CDH12: variants seen among roughly 807,000 people sequenced by gnomAD.
CDH12 encodes the protein cadherin-12.
Under a neutral mutation model 74.1 loss-of-function variants are expected in CDH12, and 41 were observed. The observed-to-expected ratio is 0.55, with a 90% CI of 0.43 to 0.72. CDH12 has a LOEUF of 0.72. Among genes scored for constraint, CDH12 ranks in the 30% least tolerant of loss-of-function variants. CDH12 has a pLI of 0.00. For synonymous variants in CDH12, 399 were observed against 355.0 expected, an observed-to-expected ratio of 1.12 and a Z score of -1.39; for missense variants, 945 against 977.2, an observed-to-expected ratio of 0.97 and a Z score of 0.44.
At chr5:21,795,685 G>A (rs551067149) in intron 10 of CDH12, among the ~76,000 whole-genome samples, 3 of 151,930 alleles carry the variant, frequency 2.0e-5, no homozygotes, top group East Asian at 1.9e-4. Flanking sequence ...GAGAGCATGG[G>A]CATTTTTTCA....
intron 10 of CDH12, among the ~76,000 whole-genome samples, chr5:21,787,043 A>G (rs1335590605): frequency 6.6e-6 from 1 of 152,184 alleles, no homozygotes; most frequent in Non-Finnish European, 1.5e-5. Flanking sequence ...TAGTTTCTTG[A>G]GATGAAATCT....
chr5:22,596,783 C>T (rs74614501), intron 1 of CDH12, among the ~76,000 whole-genome samples: 22 of 152,284 alleles, frequency 1.4e-4, no homozygotes, highest in Non-Finnish European at 2.5e-4. Flanking sequence ...TCATCTATCA[C>T]GAGCATCTCT....
At chr5:22,602,109 A>G (rs1009756678) in intron 1 of CDH12, among the ~76,000 whole-genome samples, 2 of 152,154 alleles carry the variant, frequency 1.3e-5, no homozygotes, top group African/African-American at 4.8e-5. Context: ...TTCATAATTT[A>G]CTGATGCATA....
chr5:21,765,141 GGTCA>G (rs770421625), intron 11 of CDH12, 42 bp from the exon 12 acceptor site: 3 of 1,451,592 alleles, frequency 2.1e-6, no homozygotes, highest in Admixed American at 4.9e-5. Flanking sequence ...TACAAAATCC[GGTCA>G]GTTATTGCTT....
At chr5:21,908,925 A>T (rs1224296204) in intron 6 of CDH12, among the ~76,000 whole-genome samples, 1 of 152,188 alleles carries the variant, frequency 6.6e-6, no homozygotes, top group African/African-American at 2.4e-5. Context: ...TGTAAAAAAA[A>T]AATTATTTAT....
intron 8 of CDH12, among the ~76,000 whole-genome samples, chr5:21,834,542 A>T (rs919502429): frequency 6.6e-6 from 1 of 151,926 alleles, no homozygotes; most frequent in Non-Finnish European, 1.5e-5. Flanking sequence ...AACTGTTGGA[A>T]ATTACTTAAA....
At chr5:22,447,985 TAAAAAAA>T (rs10660558) in intron 2 of CDH12, among the ~76,000 whole-genome samples, 1 of 84,470 alleles carries the variant, frequency 1.2e-5, no homozygotes, top group Admixed American at 1.9e-4. Flanking sequence ...TACAAGAAAT[TAAAAAAA>T]AAAAAAAAAA....
intron 2 of CDH12, among the ~76,000 whole-genome samples, chr5:22,462,566 T>C (rs1208646288): frequency 6.6e-6 from 1 of 152,116 alleles, no homozygotes; most frequent in Non-Finnish European, 1.5e-5. Context: ...GGAAAAATAG[T>C]CACTGAAGAA....
chr5:22,713,343 A>T (rs931258240), intron 1 of CDH12, among the ~76,000 whole-genome samples: 1 of 151,542 alleles, frequency 6.6e-6, no homozygotes, highest in Admixed American at 6.6e-5. Flanking sequence ...GGGTTTCACT[A>T]TGTTGGCCAG....
intron 8 of CDH12, among the ~76,000 whole-genome samples, chr5:21,830,016 T>C (rs1748915371): frequency 6.6e-6 from 1 of 151,598 alleles, no homozygotes; most frequent in African/African-American, 2.4e-5. Context: ...TTGGCCAACA[T>C]GGTGAAACCC....
At chr5:22,586,445 A>G (rs1322716595) in intron 1 of CDH12, among the ~76,000 whole-genome samples, 1 of 151,596 alleles carries the variant, frequency 6.6e-6, no homozygotes, top group East Asian at 1.9e-4. Flanking sequence ...TATGTAACTA[A>G]CCTGCACATT....
chr5:22,259,503 T>A (rs1753438743), intron 3 of CDH12, among the ~76,000 whole-genome samples: 1 of 152,100 alleles, frequency 6.6e-6, no homozygotes, highest in Non-Finnish European at 1.5e-5. Context: ...GCCATCGTTC[T>A]AATTATGAAT....
intron 1 of CDH12, among the ~76,000 whole-genome samples, chr5:22,844,824 T>C (rs1195742324): frequency 6.6e-6 from 1 of 152,104 alleles, no homozygotes; most frequent in Non-Finnish European, 1.5e-5. Flanking sequence ...GAATTAGCAA[T>C]GCCCTTCTGA....
At chr5:22,176,868 C>T (rs1307487814) in intron 4 of CDH12, among the ~76,000 whole-genome samples, 1 of 152,080 alleles carries the variant, frequency 6.6e-6, no homozygotes. Context: ...CCTCACTATC[C>T]TGCAGCCCCA....
intron 1 of CDH12, among the ~76,000 whole-genome samples, chr5:22,615,914 A>G (rs1049002221): frequency 2.0e-5 from 3 of 152,104 alleles, no homozygotes; most frequent in Non-Finnish European, 4.4e-5. Context: ...GGATTAATGG[A>G]GAACCAAATA....
chr5:22,657,808 T>C (rs920987948), intron 1 of CDH12, among the ~76,000 whole-genome samples: 1 of 152,144 alleles, frequency 6.6e-6, no homozygotes, highest in African/African-American at 2.4e-5. Flanking sequence ...ACAATTGAAG[T>C]AAAAGAAAGT....
intron 10 of CDH12, among the ~76,000 whole-genome samples, chr5:21,784,311 A>C (rs1746080567): frequency 6.6e-6 from 1 of 152,170 alleles, no homozygotes; most frequent in Non-Finnish European, 1.5e-5. Flanking sequence ...CAATCATAAC[A>C]ATCATTAACA....
intron 4 of CDH12, among the ~76,000 whole-genome samples, chr5:22,090,572 C>T (rs901433738): frequency 2.0e-5 from 3 of 150,054 alleles, no homozygotes; most frequent in Non-Finnish European, 4.4e-5. Flanking sequence ...ATCCAACCAA[C>T]ACTTGACAAG....
chr5:22,551,980 T>C (rs1268932970), intron 1 of CDH12, among the ~76,000 whole-genome samples: 1 of 108,114 alleles, frequency 9.2e-6, no homozygotes, highest in East Asian at 4.8e-4. Flanking sequence ...TAGTTTCCTA[T>C]TGTTGTTTTT....
Sources: allele counts gnomAD v4.1 joint callset (sites outside exome capture counted in the v4.1 genomes callset), GRCh38; gene constraint gnomAD v4.1.1; transcripts MANE v1.5; gene names NCBI Gene and HGNC (gene_info 2026-07-23, HGNC 2026-07-21).